BTC: variants seen among roughly 807,000 people sequenced by gnomAD.
The protein encoded by BTC is probetacellulin.
In BTC, 13 loss-of-function variants were observed where a neutral mutation model predicts 18.1. The ratio of observed to expected loss-of-function variants is 0.72; its 90% CI spans 0.47 to 1.14. BTC has a LOEUF of 1.14. BTC is among the 50% of genes most tolerant of loss of function. The pLI is 0.00. For synonymous variants in BTC, 83 were observed against 79.4 expected (o/e 1.05, Z -0.24); for missense variants, 247 against 224.2 (o/e 1.10, Z -0.65).
chr4:74,781,662 T>C (rs1017602768), intron 1 of BTC, among the ~76,000 whole-genome samples: 6 of 151,900 alleles, frequency 3.9e-5, no homozygotes, highest in African/African-American at 1.5e-4. Context: ...ACCACAAATA[T>C]GTGTGCCACA....
At chr4:74,786,284 G>A (rs1268566192) in intron 1 of BTC, among the ~76,000 whole-genome samples, 1 of 152,154 alleles carries the variant, frequency 6.6e-6, no homozygotes, top group Non-Finnish European at 1.5e-5. Context: ...GAAGACAGAG[G>A]GAAGTGGTTC....
intron 2 of BTC, among the ~76,000 whole-genome samples, chr4:74,768,614 A>T (rs189858248): frequency 3.3e-5 from 5 of 152,272 alleles, no homozygotes; most frequent in Admixed American, 2.6e-4. Flanking sequence ...GGGAGTTGCT[A>T]TTCAATGTGT....
chr4:74,747,117 G>A (rs1724312587), intron 5 of BTC, among the ~76,000 whole-genome samples: 1 of 152,166 alleles, frequency 6.6e-6, no homozygotes, highest in Admixed American at 6.5e-5. Context: ...CCAATACGTT[G>A]CCTTCATTTT....
At position 74,787,713 on chromosome 4, in the gene BTC, A is replaced by C. The variant is rs958099410; in HGVS notation, c.64+6549T>G. The stretch of plus-strand genomic sequence containing the variant: ...GCACATATGGAGTCAAAAAGATCAG[A>C]ATTTGAGTTCTAGGCATATACTATG... On this transcript the variant is annotated intron_variant, in intron 1 of 5. Coordinates refer to ENST00000395743, the MANE Select transcript of BTC (RefSeq NM_001729.4). Among the ~76,000 whole-genome samples the C allele has an allele frequency of 4.6e-5, 7 of 152,198 alleles. 1 individual carries two copies. The South Asian group carries it at 1.4e-3, about 31-fold the overall frequency.
intron 1 of BTC, among the ~76,000 whole-genome samples, chr4:74,772,047 G>A (rs1052773303): frequency 1.3e-5 from 2 of 152,152 alleles, no homozygotes; most frequent in African/African-American, 2.4e-5. Flanking sequence ...TAATAATATA[G>A]CGTGATCTGT....
intron 1 of BTC, among the ~76,000 whole-genome samples, chr4:74,787,911 C>T (rs958151697): frequency 6.6e-6 from 1 of 152,140 alleles, no homozygotes; most frequent in African/African-American, 2.4e-5. Context: ...GAAAAAGAAT[C>T]ATGAAGCAAA....
chr4:74,771,699 T>C (rs187172711), intron 1 of BTC, among the ~76,000 whole-genome samples: 9 of 152,290 alleles, frequency 5.9e-5, no homozygotes, highest in Admixed American at 2.0e-4. Flanking sequence ...AAATGGAAAC[T>C]CAAATCCACT....
At chr4:74,783,707 A>C (rs1224884837) in intron 1 of BTC, among the ~76,000 whole-genome samples, 3 of 151,334 alleles carry the variant, frequency 2.0e-5, no homozygotes, top group Non-Finnish European at 4.4e-5. Context: ...TACACTGGGC[A>C]GCATGACCAT....
rs1266212204 is a variant in BTC at position 74,745,463 on chromosome 4, A to G, written c.*1214T>C. The G allele has an allele frequency of 6.6e-6, 1 of 152,242 alleles. No homozygotes were observed. 9.4% of individuals were successfully genotyped at this position (152,242 alleles called of 1,614,324 possible). ...ATCGATTTTTGTAAGTGAACCACGTAATCAATGTAAAAAGTTAAATATTCT... is the reference window on the plus strand; with the variant it reads ...ATCGATTTTTGTAAGTGAACCACGTGATCAATGTAAAAAGTTAAATATTCT... On this transcript the variant is annotated 3_prime_UTR_variant, in exon 6 of 6. Coordinates refer to ENST00000395743, the MANE Select transcript of BTC (RefSeq NM_001729.4).
chr4:74,778,876 CAGTG>C (rs1377190393), intron 1 of BTC, among the ~76,000 whole-genome samples: 3 of 152,126 alleles, frequency 2.0e-5, no homozygotes, highest in African/African-American at 4.8e-5. Context: ...TGTCCCAACA[CAGTG>C]AGCAATTTGG....
In BTC at chr4:74,794,351, G is replaced by T; in HGVS notation, c.-26C>A. 1 of 1,529,548 alleles carries T rather than the reference G, an allele frequency of 6.5e-7. No homozygotes were observed. Among genetic ancestry groups the T allele is most frequent in the Non-Finnish European group, 8.8e-7 (1 of 1,138,174 alleles). The allele number at this position is 1,529,548 out of a possible 1,614,324, so 94.7% of individuals were successfully genotyped here. A position where few individuals can be genotyped will look rare whatever the true frequency, so the allele number is the denominator to read the frequency against. On this transcript the variant is annotated 5_prime_UTR_variant, in exon 1 of 6. The change creates a new upstream start codon in the 5' untranslated region. Transcript: ENST00000395743. ...CAACCCCGCTCTGCCGGGCCGGGCA[G>T]CCCCTAGACAAGTCTCCCTCCTTCT...
chr4:74,781,337 AG>A (rs1725320581), intron 1 of BTC, among the ~76,000 whole-genome samples: 1 of 151,764 alleles, frequency 6.6e-6, no homozygotes, highest in Admixed American at 6.6e-5. Flanking sequence ...CATAAGCCAA[AG>A]CTTGTCTCTT....
At chr4:74,750,853 G>A in intron 3 of BTC, 134 bp from the exon 4 acceptor site, 1 of 1,227,740 alleles carries the variant, frequency 8.1e-7, no homozygotes, top group Non-Finnish European at 1.1e-6. Context: ...AAAAAAAGAT[G>A]CACTACTTTG....
At chr4:74,786,385 A>G (rs958625746) in intron 1 of BTC, among the ~76,000 whole-genome samples, 3 of 152,236 alleles carry the variant, frequency 2.0e-5, no homozygotes, top group Non-Finnish European at 4.4e-5. Context: ...TTTAACCACT[A>G]AAGAGTTCAG....
chr4:74,773,448 G>T (rs561617708), intron 1 of BTC, among the ~76,000 whole-genome samples: 2 of 152,080 alleles, frequency 1.3e-5, no homozygotes, highest in Admixed American at 6.5e-5. Flanking sequence ...AAACAATAAA[G>T]GCTGCTATAA....
Position 74,757,996 on chromosome 4 carries a change from T to C in BTC, c.164-2020A>G, listed in dbSNP as rs28401181. 8.6e-3 allele frequency among the ~76,000 whole-genome samples: 1,304 copies of C among 152,308 alleles called. 21 individuals carry two copies. Among genetic ancestry groups the C allele is most frequent in the African/African-American group, 0.03 (1,246 of 41,554 alleles). On this transcript the variant is annotated intron_variant, in intron 2 of 5. Transcript: ENST00000395743. ...GAGTTAATCCCAGAATCTTAAAATC[T>C]TGGCAATTCTAACAGCAATCTCATA... is the stretch of plus-strand genomic sequence containing the variant.
chr4:74,746,482 A>G lies in BTC; in HGVS notation c.*195T>C, dbSNP rs1489549471. The G allele has an allele frequency of 6.6e-6, 1 of 152,564 alleles. No homozygotes were observed. The highest frequency in any genetic ancestry group is 1.5e-5 in the Non-Finnish European group (1 of 68,024). 9.5% of individuals were successfully genotyped at this position (152,564 alleles called of 1,614,324 possible). On this transcript the variant is annotated 3_prime_UTR_variant, in exon 6 of 6. Coordinates refer to ENST00000395743, the MANE Select transcript of BTC (RefSeq NM_001729.4). ...TACCTAACCAGTTGCTTTTTTCCCAATTACTAGACAATATACATATAATTA... is the reference window on the plus strand; with the variant it reads ...TACCTAACCAGTTGCTTTTTTCCCAGTTACTAGACAATATACATATAATTA...
chr4:74,780,272 C>A (rs983971676), intron 1 of BTC, among the ~76,000 whole-genome samples: 4 of 152,098 alleles, frequency 2.6e-5, no homozygotes, highest in African/African-American at 9.7e-5. Flanking sequence ...GACAGATTCC[C>A]AATTAAGAAT....
intron 2 of BTC, among the ~76,000 whole-genome samples, chr4:74,758,220 T>G (rs1327639265): frequency 6.6e-6 from 1 of 152,188 alleles, no homozygotes; most frequent in Non-Finnish European, 1.5e-5. Flanking sequence ...AAAGAATGGC[T>G]GCGAATGAAA....
Sources: gnomAD v4.1 joint callset for allele counts (sites outside exome capture counted in the v4.1 genomes callset) on GRCh38, gnomAD v4.1.1 for gene constraint, MANE v1.5 for transcripts, NCBI Gene and HGNC (gene_info 2026-07-23, HGNC 2026-07-21) for gene names.